Variants in FCHSD2 observed in about 807,000 individuals in gnomAD.
FCHSD2 encodes the protein F-BAR and double SH3 domains protein 2.
Under a neutral mutation model 108.1 loss-of-function variants are expected in FCHSD2, and 38 were observed. That is an observed-to-expected ratio of 0.35 (90% CI 0.27 to 0.46). FCHSD2 has a LOEUF of 0.46. FCHSD2 is among the 20% of genes least tolerant of loss of function. FCHSD2 has a pLI of 1.00. For synonymous variants in FCHSD2, 279 were observed against 314.7 expected (o/e 0.89, Z 1.20); for missense variants, 751 against 897.8 (o/e 0.84, Z 2.09).
chr11:72,886,254 G>C (rs1293652768), intron 12 of FCHSD2, among the ~76,000 whole-genome samples: 2 of 152,156 alleles, frequency 1.3e-5, no homozygotes, highest in Non-Finnish European at 2.9e-5. Flanking sequence ...CTGACTATTA[G>C]AAAGTATTTC....
intron 9 of FCHSD2, among the ~76,000 whole-genome samples, chr11:72,907,884 T>A (rs756762090): frequency 8.5e-5 from 13 of 152,206 alleles, no homozygotes; most frequent in Non-Finnish European, 1.2e-4. Flanking sequence ...TGAGCCACCA[T>A]GCCTGGCTGG....
At chr11:72,889,755 AT>A (rs1845826369) in intron 11 of FCHSD2, 73 bp downstream of exon 11, 1 of 823,604 alleles carries the variant, frequency 1.2e-6, no homozygotes, top group Admixed American at 2.3e-5. Context: ...TTTCACATTA[AT>A]AAAACTCAGT....
At chr11:72,967,325 G>A (rs914373478) in intron 8 of FCHSD2, among the ~76,000 whole-genome samples, 5 of 151,988 alleles carry the variant, frequency 3.3e-5, no homozygotes, top group African/African-American at 1.2e-4. Flanking sequence ...ATAGAGATAG[G>A]CTGGTAACAG....
At chr11:73,096,716 C>T (rs983730696) in intron 2 of FCHSD2, among the ~76,000 whole-genome samples, 8 of 151,936 alleles carry the variant, frequency 5.3e-5, no homozygotes, top group African/African-American at 1.9e-4. Context: ...TACGATGTTA[C>T]TGTGAGCTTG....
intron 3 of FCHSD2, among the ~76,000 whole-genome samples, chr11:73,042,604 G>A (rs1019894200): frequency 6.6e-6 from 1 of 152,154 alleles, no homozygotes; most frequent in Non-Finnish European, 1.5e-5. Flanking sequence ...AATGTCACTA[G>A]TATCTTGATA....
At chr11:73,001,212 A>C in intron 4 of FCHSD2, 78 bp from the exon 5 acceptor site, 1 of 1,187,332 alleles carries the variant, frequency 8.4e-7, no homozygotes, top group Non-Finnish European at 1.2e-6. Flanking sequence ...CTCACAGGGC[A>C]GCACTGACAG....
intron 3 of FCHSD2, among the ~76,000 whole-genome samples, chr11:73,069,897 T>TA (rs1859392535): frequency 6.6e-6 from 1 of 152,092 alleles, no homozygotes; most frequent in Non-Finnish European, 1.5e-5. Flanking sequence ...ACTTATCAGA[T>TA]TATATATAAA....
intron 3 of FCHSD2, among the ~76,000 whole-genome samples, chr11:73,055,666 T>G (rs1245293512): frequency 3.3e-5 from 5 of 152,210 alleles, no homozygotes; most frequent in African/African-American, 1.2e-4. Flanking sequence ...TCACTTAAAT[T>G]TTTTAATAGA....
intron 2 of FCHSD2, among the ~76,000 whole-genome samples, chr11:73,101,299 T>A (rs1860219216): frequency 6.6e-6 from 1 of 152,202 alleles, no homozygotes; most frequent in African/African-American, 2.4e-5. Context: ...CTAGATTTGT[T>A]TATTCATCTG....
chr11:72,977,470 G>C lies in FCHSD2; in HGVS notation c.705+6618C>G, dbSNP rs1857124621. ...GATTAATAACCAGAATATATAAGGA[G>C]CTCAAACAACTCTATAGGAAAAAAA... On this transcript the variant is annotated intron_variant, in intron 8 of 19. Transcript: ENST00000409418. Among the ~76,000 whole-genome samples, 2 of 151,982 alleles carry C rather than the reference G, an allele frequency of 1.3e-5. 1 individual carries two copies. Among genetic ancestry groups the C allele is most frequent in the South Asian group, 4.1e-4 (2 of 4,826 alleles).
intron 3 of FCHSD2, among the ~76,000 whole-genome samples, chr11:73,033,227 G>T (rs1858407055): frequency 6.6e-6 from 1 of 151,568 alleles, no homozygotes; most frequent in Non-Finnish European, 1.5e-5. Flanking sequence ...GGCGGAGGTT[G>T]CAGTGAGCTG....
chr11:73,055,282 CG>C (rs1409963355), intron 3 of FCHSD2, among the ~76,000 whole-genome samples: 5 of 151,344 alleles, frequency 3.3e-5, no homozygotes, highest in African/African-American at 1.2e-4. Context: ...ACAGCCAAAC[CG>C]TATTAGCCAT....
intron 8 of FCHSD2, among the ~76,000 whole-genome samples, chr11:72,974,377 G>A (rs1263715074): frequency 6.6e-6 from 1 of 152,198 alleles, no homozygotes; most frequent in Admixed American, 6.5e-5. Context: ...CCATTCATAA[G>A]GGCTCTGCCC....
intron 2 of FCHSD2, 101 bp downstream of exon 2, chr11:73,139,930 A>G: frequency 1.6e-6 from 1 of 628,504 alleles, no homozygotes; most frequent in South Asian, 2.4e-5. Flanking sequence ...AAAGCAGGAA[A>G]TCCAAAAGGA....
At chr11:72,918,593 A>C (rs1441066482) in intron 9 of FCHSD2, among the ~76,000 whole-genome samples, 2 of 152,038 alleles carry the variant, frequency 1.3e-5, no homozygotes, top group African/African-American at 4.8e-5. Context: ...ATTTTGTCAA[A>C]TCTTTTTCTG....
chr11:72,980,673 GTGTA>G (rs1371579911), intron 8 of FCHSD2, among the ~76,000 whole-genome samples: 197 of 93,918 alleles, frequency 2.1e-3, no homozygotes, highest in African/African-American at 7.2e-3. Context: ...ATGTGTGTGT[GTGTA>G]TATATATATA....
intron 3 of FCHSD2, among the ~76,000 whole-genome samples, chr11:73,035,474 C>T (rs1220639687): frequency 6.6e-6 from 1 of 151,894 alleles, no homozygotes; most frequent in Non-Finnish European, 1.5e-5. Context: ...TGGCCATTAA[C>T]TTGTTTTTAT....
intron 3 of FCHSD2, among the ~76,000 whole-genome samples, chr11:73,072,225 A>G (rs1859454219): frequency 6.6e-6 from 1 of 151,670 alleles, no homozygotes; most frequent in East Asian, 1.9e-4. Flanking sequence ...TAATAGAAAC[A>G]GAAGGTTTGG....
chr11:72,850,574 C>T (rs1861258967), intron 13 of FCHSD2, among the ~76,000 whole-genome samples: 1 of 150,522 alleles, frequency 6.6e-6, no homozygotes, highest in African/African-American at 2.4e-5. Flanking sequence ...ACGATGGTCT[C>T]GATCTCCTGA....
Sources: allele counts gnomAD v4.1 joint callset (sites outside exome capture counted in the v4.1 genomes callset), GRCh38; gene constraint gnomAD v4.1.1; transcripts MANE v1.5; gene names NCBI Gene and HGNC (gene_info 2026-07-23, HGNC 2026-07-21).